Variants in RICTOR observed in about 807,000 individuals in gnomAD.
The protein encoded by RICTOR is rapamycin-insensitive companion of mTOR.
RICTOR carries 49 observed loss-of-function variants against 214.9 expected under a neutral mutation model. The observed-to-expected ratio is 0.23, with a 90% CI of 0.18 to 0.29. The LOEUF (loss-of-function observed/expected upper bound fraction) is 0.29. Ranked by LOEUF, RICTOR falls within the 10% of genes least tolerant of loss-of-function variation. The pLI is 1.00. For missense variants in RICTOR, 1,625 were observed against 2,047.0 expected (o/e 0.79, Z 3.98); for synonymous variants, 717 against 711.3 (o/e 1.01, Z -0.13).
intron 3 of RICTOR, among the ~76,000 whole-genome samples, chr5:39,017,757 T>C (rs938491394): frequency 3.9e-5 from 6 of 152,160 alleles, no homozygotes; most frequent in South Asian, 2.1e-4. Context: ...CTTCTATTTC[T>C]ATGAAATAAA....
chr5:38,956,760 T>G (rs1417556283), intron 25 of RICTOR, among the ~76,000 whole-genome samples: 1 of 152,204 alleles, frequency 6.6e-6, no homozygotes, highest in African/African-American at 2.4e-5. Context: ...CTATGATTTG[T>G]ATAATAAATT....
At chr5:39,035,062 A>AGGCAGCCTAACTGGGG (rs1756570567) in intron 2 of RICTOR, among the ~76,000 whole-genome samples, 3 of 152,160 alleles carry the variant, frequency 2.0e-5, no homozygotes, top group African/African-American at 7.2e-5. Context: ...CCTAACTGGG[A>AGGCAGCCTAACTGGGG]GGCACCCTCC....
chr5:38,956,956 G>A (rs969949190), intron 25 of RICTOR, among the ~76,000 whole-genome samples: 5 of 151,956 alleles, frequency 3.3e-5, no homozygotes, highest in African/African-American at 1.2e-4. Context: ...GTGTAACTAT[G>A]TTAACAAAAA....
intron 26 of RICTOR, among the ~76,000 whole-genome samples, chr5:38,955,156 A>C (rs775387460): frequency 6.6e-6 from 1 of 151,944 alleles, no homozygotes; most frequent in Non-Finnish European, 1.5e-5. Flanking sequence ...TACTTATAAC[A>C]CTGCATAAAA....
chr5:39,002,334 A>G (rs1458253641), intron 5 of RICTOR, among the ~76,000 whole-genome samples: 1 of 151,992 alleles, frequency 6.6e-6, no homozygotes, highest in Non-Finnish European at 1.5e-5. Context: ...TGGAGATGTA[A>G]CAGAGCTTTA....
chr5:38,964,973 T>A, intron 15 of RICTOR, 81 bp from the exon 16 acceptor site: 1 of 777,142 alleles, frequency 1.3e-6, no homozygotes, highest in Non-Finnish European at 2.2e-6. Flanking sequence ...CATATAATGC[T>A]GTATTCAAGA....
At chr5:39,012,236 G>A (rs1754582409) in intron 3 of RICTOR, among the ~76,000 whole-genome samples, 1 of 152,114 alleles carries the variant, frequency 6.6e-6, no homozygotes, top group African/African-American at 2.4e-5. Context: ...TCCTCTGAGA[G>A]AACTATCAGT....
At chr5:38,953,953 G>C (rs1385734835) in intron 27 of RICTOR, among the ~76,000 whole-genome samples, 1 of 151,714 alleles carries the variant, frequency 6.6e-6, no homozygotes, top group African/African-American at 2.4e-5. Context: ...TTAGTGCTTA[G>C]GTTTTATCAT....
At position 38,953,193 on chromosome 5, in the gene RICTOR, A is replaced by T. The variant is rs1748944672; in HGVS notation, c.2791-102T>A. 1.9e-5 allele frequency: 15 copies of T among 781,400 alleles called. 1 individual carries two copies. The South Asian group carries it at 2.7e-4, about 14-fold the overall frequency. 48.4% of individuals were successfully genotyped at this position (781,400 alleles called of 1,614,324 possible). Reference sequence around the variant, plus strand: ...ATTTAACCTCATCTCTGAGAGAGAAAAAATGTAAAAGCCTCCTCAAGTACA... The same window carrying T: ...ATTTAACCTCATCTCTGAGAGAGAATAAATGTAAAAGCCTCCTCAAGTACA... On this transcript the variant is annotated intron_variant, in intron 28 of 37. Coordinates refer to ENST00000357387, the MANE Select transcript of RICTOR (RefSeq NM_152756.5).
chr5:38,951,033 G>A (rs548692989), intron 30 of RICTOR, among the ~76,000 whole-genome samples: 2 of 151,948 alleles, frequency 1.3e-5, no homozygotes, highest in South Asian at 4.2e-4. Flanking sequence ...TGAAATTAAA[G>A]GGAAAAAGGA....
At position 38,953,464 on chromosome 5, in the gene RICTOR, G is replaced by A; in HGVS notation, c.2787C>T (p.Ala929=). ...TACAGAAGTGTTTATTACAAACCAA[G>A]GCCCAAAGAGATGCTTTCAGTTTTT... ...EIKKLKASLW[A]LGNIGSSNWG... The change falls in exon 28 of 38, where the codon GCC becomes GCT. Residue 929 remains alanine, a synonymous_variant. Coordinates refer to ENST00000357387, the MANE Select transcript of RICTOR (RefSeq NM_152756.5). 1.4e-6 allele frequency: 2 copies of A among 1,421,536 alleles called. No homozygotes were observed. The highest frequency in any genetic ancestry group is 1.9e-6 in the Non-Finnish European group (2 of 1,057,658). 88.1% of individuals were successfully genotyped at this position (1,421,536 alleles called of 1,614,324 possible).
At chr5:39,017,105 G>A (rs532425681) in intron 3 of RICTOR, among the ~76,000 whole-genome samples, 4 of 152,142 alleles carry the variant, frequency 2.6e-5, no homozygotes, top group African/African-American at 9.6e-5. Context: ...ACCCATGCTA[G>A]TAACAAAGTA....
chr5:38,949,930 G>A lies in RICTOR; in HGVS notation c.3918C>T (p.Pro1306=), dbSNP rs1394735440. Reference sequence around the variant, plus strand: ...CTAGACTTTTAATTGTAGCAATAGAGGGTGCTTTAAGGGACTGTGCTCTTC... The same window carrying A: ...CTAGACTTTTAATTGTAGCAATAGAAGGTGCTTTAAGGGACTGTGCTCTTC... ...LPRRAQSLKA[P]SIATIKSLAD... Residue 1306 remains proline (P), a synonymous_variant, in exon 31 of 38, where the codon CCC becomes CCT. Transcript: ENST00000357387. 1 of 1,613,358 alleles carries A rather than the reference G, an allele frequency of 6.2e-7. No individual in the cohort carries two copies. Among genetic ancestry groups the A allele is most frequent in the Non-Finnish European group, 8.5e-7 (1 of 1,179,602 alleles).
At position 38,962,481 on chromosome 5, in the gene RICTOR, A is replaced by G. The variant is rs1317985803; in HGVS notation, c.1668+4T>C. ...AGCCATTACCATGAAGTATCTTTTC[A>G]TACCTTAAGAATGGTCCCTATAAGA... On this transcript the variant is annotated splice_donor_region_variant and intron_variant, in intron 18 of 37. Transcript: ENST00000357387. 2 of 1,444,370 alleles carry G rather than the reference A, an allele frequency of 1.4e-6. No homozygotes were observed. Among genetic ancestry groups the G allele is most frequent in the Admixed American group, 3.8e-5 (2 of 52,096 alleles). 89.5% of individuals were successfully genotyped at this position (1,444,370 alleles called of 1,614,324 possible).
At chr5:38,999,404 G>C (rs1753444337) in intron 5 of RICTOR, among the ~76,000 whole-genome samples, 1 of 151,940 alleles carries the variant, frequency 6.6e-6, no homozygotes, top group African/African-American at 2.4e-5. Context: ...AAATCTAGAA[G>C]ACAACAACTG....
intron 3 of RICTOR, among the ~76,000 whole-genome samples, chr5:39,013,248 T>C (rs1754683510): frequency 6.6e-6 from 1 of 152,214 alleles, no homozygotes; most frequent in Non-Finnish European, 1.5e-5. Flanking sequence ...CACGTTAAAC[T>C]TAACATTTTT....
chr5:39,009,342 TAAAC>T (rs1754313835), intron 3 of RICTOR, among the ~76,000 whole-genome samples: 1 of 152,152 alleles, frequency 6.6e-6, no homozygotes, highest in African/African-American at 2.4e-5. Flanking sequence ...GTGAAAAAGT[TAAAC>T]AAAATTCAAA....
At chr5:38,996,726 CTT>C in intron 6 of RICTOR, 91 bp downstream of exon 6, 1 of 729,858 alleles carries the variant, frequency 1.4e-6, no homozygotes, top group African/African-American at 1.8e-5. Context: ...AGTCTTTAAT[CTT>C]AATAAAGATT....
intron 7 of RICTOR, among the ~76,000 whole-genome samples, chr5:38,989,533 C>T (rs576788761): frequency 7.2e-5 from 11 of 152,144 alleles, no homozygotes; most frequent in African/African-American, 2.6e-4. Context: ...GGCTTCTGCA[C>T]AGTAAAAGAA....
Sources: gnomAD v4.1 joint callset for allele counts (sites outside exome capture counted in the v4.1 genomes callset) on GRCh38, gnomAD v4.1.1 for gene constraint, MANE v1.5 for transcripts, NCBI Gene and HGNC (gene_info 2026-07-23, HGNC 2026-07-21) for gene names.